MEIS2: variants seen among roughly 807,000 people sequenced by gnomAD.
The protein encoded by MEIS2 is homeobox protein Meis2.
MEIS2 carries 9 observed loss-of-function variants against 58.6 expected under a neutral mutation model. That is an observed-to-expected ratio of 0.15 (90% CI 0.09 to 0.27). The LOEUF is 0.27. Among genes scored for constraint, MEIS2 ranks in the 10% least tolerant of loss-of-function variants. The pLI, the probability that MEIS2 is intolerant of heterozygous loss-of-function variation, is 1.00. For missense variants in MEIS2, 427 were observed against 635.0 expected, an observed-to-expected ratio of 0.67 and a Z score of 3.52; for synonymous variants, 221 against 228.4, an observed-to-expected ratio of 0.97 and a Z score of 0.29.
In MEIS2 at chr15:36,890,136, TC is replaced by T. The variant is rs1270492883; in HGVS notation, c.*2036del. 2 of 152,202 alleles carry T rather than the reference TC, an allele frequency of 1.3e-5. No individual in the cohort carries two copies. The highest frequency in any genetic ancestry group is 2.9e-5 in the Non-Finnish European group (2 of 68,026). 9.4% of individuals were successfully genotyped at this position (152,202 alleles called of 1,614,324 possible). On this transcript the variant is annotated 3_prime_UTR_variant, in exon 12 of 12. Transcript: ENST00000561208. ...AAGTTTGCAGAGATGATGAATAATT[TC>T]CTTAGCCGGTTGACATCACATATCT...
intron 7 of MEIS2, among the ~76,000 whole-genome samples, chr15:37,059,273 C>T (rs944984770): frequency 6.6e-6 from 1 of 152,180 alleles, no homozygotes; most frequent in Non-Finnish European, 1.5e-5. Context: ...CAGCTTGAAG[C>T]TCTCACATGC....
At chr15:37,073,031 A>C (rs1357966970) in intron 7 of MEIS2, among the ~76,000 whole-genome samples, 2 of 152,062 alleles carry the variant, frequency 1.3e-5, no homozygotes, top group African/African-American at 4.8e-5. Context: ...AAGAGATCAC[A>C]TCTTGTTTGC....
intron 9 of MEIS2, among the ~76,000 whole-genome samples, chr15:36,911,454 A>T (rs949757265): frequency 1.3e-5 from 2 of 152,152 alleles, no homozygotes; most frequent in African/African-American, 4.8e-5. Flanking sequence ...AGAAGGTAGG[A>T]GGAGGTAGGG....
intron 9 of MEIS2, among the ~76,000 whole-genome samples, chr15:36,930,202 T>TA (rs370695754): frequency 0.22 from 20,689 of 94,046 alleles, 2,270 homozygotes; most frequent in East Asian, 0.37. Context: ...GACTCAGTCT[T>TA]AAAAAAAAAA....
At chr15:36,923,559 G>A (rs1039764375) in intron 9 of MEIS2, among the ~76,000 whole-genome samples, 8 of 152,144 alleles carry the variant, frequency 5.3e-5, no homozygotes, top group Non-Finnish European at 8.8e-5. Context: ...CTCCCAAAAT[G>A]CATTAATACA....
At chr15:36,916,414 G>A (rs1387481275) in intron 9 of MEIS2, among the ~76,000 whole-genome samples, 2 of 145,016 alleles carry the variant, frequency 1.4e-5, no homozygotes, top group East Asian at 4.1e-4. Context: ...GTGATGGAGC[G>A]AGACTCCATC....
intron 9 of MEIS2, among the ~76,000 whole-genome samples, chr15:36,922,395 A>G (rs1016809277): frequency 3.1e-5 from 4 of 130,848 alleles, no homozygotes; most frequent in Non-Finnish European, 7.5e-5. Context: ...ATTTTTATAC[A>G]GAATCAAAAG....
chr15:36,935,699 T>C (rs979726277), intron 9 of MEIS2, among the ~76,000 whole-genome samples: 2 of 152,130 alleles, frequency 1.3e-5, no homozygotes, highest in African/African-American at 4.8e-5. Context: ...GTGTGGTGTA[T>C]TAGAAATGAC....
At chr15:37,079,151 G>A (rs1358889512) in intron 7 of MEIS2, among the ~76,000 whole-genome samples, 1 of 152,040 alleles carries the variant, frequency 6.6e-6, no homozygotes, top group Non-Finnish European at 1.5e-5. Flanking sequence ...GAAAGAAAAT[G>A]CAATGTAAAT....
intron 7 of MEIS2, among the ~76,000 whole-genome samples, chr15:37,055,208 GAGT>G (rs2063088863): frequency 6.6e-6 from 1 of 152,090 alleles, no homozygotes; most frequent in Non-Finnish European, 1.5e-5. Context: ...ATACCCTATT[GAGT>G]AATTCATGCC....
At chr15:37,003,153 T>C (rs546725654) in intron 8 of MEIS2, among the ~76,000 whole-genome samples, 16 of 152,282 alleles carry the variant, frequency 1.1e-4, no homozygotes, top group African/African-American at 3.9e-4. Context: ...CTCTGATTAT[T>C]CTGCCCTTTT....
intron 9 of MEIS2, among the ~76,000 whole-genome samples, chr15:36,945,322 T>C (rs1347518182): frequency 6.6e-6 from 1 of 152,088 alleles, no homozygotes; most frequent in Non-Finnish European, 1.5e-5. Flanking sequence ...TTCCTTAGGC[T>C]ACCACTCAGT....
chr15:36,922,091 A>C (rs2057534367), intron 9 of MEIS2, among the ~76,000 whole-genome samples: 1 of 152,236 alleles, frequency 6.6e-6, no homozygotes, highest in African/African-American at 2.4e-5. Context: ...TTAAAAAATT[A>C]AACTGAGCTC....
intron 7 of MEIS2, among the ~76,000 whole-genome samples, chr15:37,070,467 A>G (rs1596067050): frequency 6.6e-6 from 1 of 152,150 alleles, no homozygotes; most frequent in East Asian, 1.9e-4. Flanking sequence ...TGGTTAAATG[A>G]GTCTGGAAAG....
intron 7 of MEIS2, among the ~76,000 whole-genome samples, chr15:37,081,290 A>G (rs1892174797): frequency 6.6e-6 from 1 of 152,172 alleles, no homozygotes; most frequent in African/African-American, 2.4e-5. Context: ...TTGATTTCCA[A>G]TGAAACATTA....
At chr15:36,985,428 A>C (rs2038195478) in intron 8 of MEIS2, among the ~76,000 whole-genome samples, 1 of 151,500 alleles carries the variant, frequency 6.6e-6, no homozygotes, top group Non-Finnish European at 1.5e-5. Flanking sequence ...TTTACTTTCT[A>C]TTTCATATTT....
chr15:36,965,865 T>C (rs1258731684), intron 8 of MEIS2, among the ~76,000 whole-genome samples: 1 of 152,224 alleles, frequency 6.6e-6, no homozygotes, highest in Non-Finnish European at 1.5e-5. Context: ...TCACTGTCAT[T>C]CATTCTGGGA....
intron 9 of MEIS2, among the ~76,000 whole-genome samples, chr15:36,921,919 T>C (rs1170110844): frequency 6.6e-6 from 1 of 152,212 alleles, no homozygotes; most frequent in Admixed American, 6.5e-5. Flanking sequence ...AGGGCTTCCG[T>C]GTGGGAAATC....
At chr15:36,996,601 A>T (rs2141581151) in intron 8 of MEIS2, among the ~76,000 whole-genome samples, 1 of 152,344 alleles carries the variant, frequency 6.6e-6, no homozygotes, top group South Asian at 2.1e-4. Context: ...AAAACTTCCA[A>T]GATTTCCTCC....
Sources: allele counts gnomAD v4.1 joint callset (sites outside exome capture counted in the v4.1 genomes callset), GRCh38; gene constraint gnomAD v4.1.1; transcripts MANE v1.5; gene names NCBI Gene and HGNC (gene_info 2026-07-23, HGNC 2026-07-21).